The following ADCK1 variants were observed in gnomAD, a reference collection of about 807,000 sequenced individuals.
The protein encoded by ADCK1 is aarF domain-containing protein kinase 1.
A neutral mutation model predicts 52.3 loss-of-function variants in ADCK1; 41 were observed. That is an observed-to-expected ratio of 0.78 (90% CI 0.61 to 1.02). The LOEUF is 1.02. Among genes scored for constraint, ADCK1 ranks in the 50% least tolerant of loss-of-function variants. The pLI, the probability that ADCK1 is intolerant of heterozygous loss-of-function variation, is 0.00. For synonymous variants in ADCK1, 250 were observed against 274.6 expected (o/e 0.91, Z 0.89); for missense variants, 658 against 679.5 (o/e 0.97, Z 0.35).
intron 1 of ADCK1, among the ~76,000 whole-genome samples, chr14:77,817,955 G>T (rs1403109351): frequency 6.6e-6 from 1 of 151,770 alleles, no homozygotes; most frequent in African/African-American, 2.4e-5. Flanking sequence ...AGCCAGGATG[G>T]TCTTGATCTC....
chr14:77,886,637 C>G (rs1396869740), intron 4 of ADCK1, among the ~76,000 whole-genome samples: 1 of 152,160 alleles, frequency 6.6e-6, no homozygotes, highest in African/African-American at 2.4e-5. Flanking sequence ...GCAAAAAAAT[C>G]TGTCCTGGAG....
intron 4 of ADCK1, among the ~76,000 whole-genome samples, chr14:77,871,610 G>C (rs2082780430): frequency 6.6e-6 from 1 of 152,080 alleles, no homozygotes; most frequent in Non-Finnish European, 1.5e-5. Flanking sequence ...TGCCCATCTT[G>C]ACCTCCCAAA....
At chr14:77,819,335 A>G (rs1443864556) in intron 2 of ADCK1, among the ~76,000 whole-genome samples, 1 of 152,188 alleles carries the variant, frequency 6.6e-6, no homozygotes, top group South Asian at 2.1e-4. Flanking sequence ...CCTGTACCTC[A>G]GGGGTTCCTG....
chr14:77,876,353 C>A (rs995494434), intron 4 of ADCK1, among the ~76,000 whole-genome samples: 1 of 152,196 alleles, frequency 6.6e-6, no homozygotes, highest in African/African-American at 2.4e-5. Context: ...CATGTCATCT[C>A]TTTCTCTAAT....
At chr14:77,873,310 A>T (rs1029704120) in intron 4 of ADCK1, among the ~76,000 whole-genome samples, 1 of 152,188 alleles carries the variant, frequency 6.6e-6, no homozygotes, top group African/African-American at 2.4e-5. Context: ...CTGCTTCTTT[A>T]TTCATGGAGC....
chr14:77,902,565 G>T (rs1388506230), intron 6 of ADCK1: 1 of 152,162 alleles, frequency 6.6e-6, no homozygotes, highest in African/African-American at 2.4e-5. Flanking sequence ...TTATTCCCAA[G>T]CTTGTTGCTG....
intron 5 of ADCK1, among the ~76,000 whole-genome samples, chr14:77,891,760 A>G (rs781570569): frequency 1.3e-5 from 2 of 152,176 alleles, no homozygotes; most frequent in African/African-American, 2.4e-5. Context: ...CATCAGGATT[A>G]GCAGCAGCAC....
intron 4 of ADCK1, among the ~76,000 whole-genome samples, chr14:77,867,339 A>G: frequency 6.6e-6 from 1 of 152,220 alleles, no homozygotes; most frequent in Non-Finnish European, 1.5e-5. Flanking sequence ...TCTGGTGGCC[A>G]TGAAGCCATG....
intron 4 of ADCK1, among the ~76,000 whole-genome samples, chr14:77,878,754 A>G (rs1412646378): frequency 6.6e-6 from 1 of 152,204 alleles, no homozygotes; most frequent in Non-Finnish European, 1.5e-5. Flanking sequence ...AGGGACATAG[A>G]TATGTCACCC....
intron 3 of ADCK1, among the ~76,000 whole-genome samples, chr14:77,846,205 C>T (rs2082170722): frequency 6.6e-6 from 1 of 152,228 alleles, no homozygotes; most frequent in South Asian, 2.1e-4. Context: ...CCCACCTACC[C>T]TGAACCTCGT....
intron 7 of ADCK1, chr14:77,914,678 G>A: frequency 2.4e-6 from 2 of 817,698 alleles, no homozygotes; most frequent in Non-Finnish European, 3.0e-6. Context: ...CTGAGTGTGA[G>A]TTTTCTCATC....
At chr14:77,861,797 G>T (rs1478395959) in intron 4 of ADCK1, among the ~76,000 whole-genome samples, 1 of 152,210 alleles carries the variant, frequency 6.6e-6, no homozygotes, top group Non-Finnish European at 1.5e-5. Context: ...GGCAGGTGGG[G>T]CCCGGCCCTG....
At chr14:77,818,037 C>G (rs550358968) in intron 1 of ADCK1, among the ~76,000 whole-genome samples, 17 of 151,908 alleles carry the variant, frequency 1.1e-4, no homozygotes, top group Non-Finnish European at 2.1e-4. Context: ...CACGCTGGGC[C>G]TCAAGGGGTA....
chr14:77,829,787 T>C (rs906062181), intron 3 of ADCK1, among the ~76,000 whole-genome samples: 4 of 151,376 alleles, frequency 2.6e-5, no homozygotes, highest in Admixed American at 6.6e-5. Flanking sequence ...GAAGCATTCA[T>C]GAGCAGAGAC....
At chr14:77,921,736 G>A (rs537360152) in intron 7 of ADCK1, among the ~76,000 whole-genome samples, 1 of 152,152 alleles carries the variant, frequency 6.6e-6, no homozygotes, top group Non-Finnish European at 1.5e-5. Flanking sequence ...CTTCTCATGT[G>A]GATATGAGCA....
chr14:77,821,437 T>A (rs1040151503), intron 2 of ADCK1, among the ~76,000 whole-genome samples: 1 of 152,152 alleles, frequency 6.6e-6, no homozygotes, highest in African/African-American at 2.4e-5. Context: ...ATATCAACTT[T>A]GTAAGTCCCT....
rs544955002 is a variant in ADCK1 at position 77,817,220 on chromosome 14, C to T, written c.-11-1748C>T. Among the ~76,000 whole-genome samples the T allele has an allele frequency of 3.9e-5, 6 of 152,208 alleles. No homozygotes were observed. In the East Asian group the frequency reaches 5.8e-4, roughly 15 times the overall value. On this transcript the variant is annotated intron_variant, in intron 1 of 10. Transcript: ENST00000238561. ...TCGCGGCACTGCACTCCCGCCTGGG[C>T]GACAGAGCAAGACCCTGTTTCAGAG...
intron 6 of ADCK1, among the ~76,000 whole-genome samples, chr14:77,906,246 G>A (rs561933710): frequency 4.6e-5 from 7 of 152,302 alleles, no homozygotes; most frequent in Admixed American, 2.0e-4. Flanking sequence ...TCAGGGTAAA[G>A]GAAAATCTTA....
At chr14:77,874,623 G>A (rs886501825) in intron 4 of ADCK1, among the ~76,000 whole-genome samples, 6 of 152,150 alleles carry the variant, frequency 3.9e-5, no homozygotes, top group East Asian at 1.9e-4. Flanking sequence ...TGGACTCTGC[G>A]TGTCCCCTCT....
Sources: allele counts gnomAD v4.1 joint callset (sites outside exome capture counted in the v4.1 genomes callset), GRCh38; gene constraint gnomAD v4.1.1; transcripts MANE v1.5; gene names NCBI Gene and HGNC (gene_info 2026-07-23, HGNC 2026-07-21).